The following ABI2 variants were observed in gnomAD, a reference collection of about 807,000 sequenced individuals.
The protein encoded by ABI2 is abelson interactor 2.
A neutral mutation model predicts 59.2 loss-of-function variants in ABI2; 25 were observed. The observed-to-expected ratio is 0.42, with a 90% CI of 0.31 to 0.59. The LOEUF is 0.59. ABI2 is among the 20% of genes least tolerant of loss of function. ABI2 has a pLI of 0.14. For synonymous variants in ABI2, 213 were observed against 235.5 expected, an observed-to-expected ratio of 0.90 and a Z score of 0.87; for missense variants, 545 against 681.8, an observed-to-expected ratio of 0.80 and a Z score of 2.23.
Position 203,416,978 on chromosome 2 carries a change from T to C in ABI2, c.1350T>C (p.Pro450=), listed in dbSNP as rs377273409. ...PVFDESPPPP[P]PPEDYEEEEA... is the part of the protein sequence containing the mutation. The stretch of plus-strand genomic sequence containing the variant: ...TTGATGAGTCTCCCCCACCTCCTCC[T>C]CCTCCAGAAGATTACGAAGAGGAGG... The change falls in exon 11 of 12, where the codon CCT becomes CCC. Residue 450 remains proline (P), a synonymous_variant. Coordinates refer to ENST00000261018, the MANE Select transcript of ABI2 (RefSeq NM_001375670.1). The C allele has an allele frequency of 8.7e-6, 14 of 1,613,934 alleles. No individual in the cohort carries two copies. In the African/African-American group the frequency reaches 1.5e-4, roughly 17 times the overall value.
At chr2:203,343,587 C>A (rs1200882827) in intron 1 of ABI2, among the ~76,000 whole-genome samples, 1 of 152,008 alleles carries the variant, frequency 6.6e-6, no homozygotes, top group African/African-American at 2.4e-5. Flanking sequence ...CTTGGGCCTC[C>A]CAAAGTGTTG....
In ABI2 at chr2:203,384,299, T is replaced by TTG. The variant is rs1559289268; in HGVS notation, c.480+2094_480+2095insGT. ...TCTTGTTTTTGTTTTTGTTTTTTTTTTTTTTTTTTTTTTTTTTTTTTTTTT... is the reference window on the plus strand; with the variant it reads ...TCTTGTTTTTGTTTTTGTTTTTTTTTTGTTTTTTTTTTTTTTTTTTTTTTTTT... On this transcript the variant is annotated intron_variant, in intron 4 of 11. Coordinates refer to ENST00000261018, the MANE Select transcript of ABI2 (RefSeq NM_001375670.1). 3.2e-5 allele frequency among the ~76,000 whole-genome samples: 4 copies of TTG among 126,698 alleles called. No individual in the cohort carries two copies. The East Asian group carries it at 6.9e-4, about 22-fold the overall frequency. 83.1% of individuals were successfully genotyped at this position (126,698 alleles called of 152,430 possible). A position where few individuals can be genotyped will look rare whatever the true frequency, so the allele number is the denominator to read the frequency against.
intron 5 of ABI2, 22 bp from the exon 6 acceptor site, chr2:203,394,678 A>G: frequency 6.2e-7 from 1 of 1,612,362 alleles, no homozygotes; most frequent in Non-Finnish European, 8.5e-7. Context: ...ATCATACAAT[A>G]CATACGCTCT....
chr2:203,386,321 C>T (rs2096507843), intron 4 of ABI2, among the ~76,000 whole-genome samples: 1 of 151,150 alleles, frequency 6.6e-6, no homozygotes, highest in East Asian at 2.0e-4. Context: ...GGGTCTTGCT[C>T]TGTTGCTCAG....
In ABI2 at chr2:203,429,007, C is replaced by G. The variant is rs1172799206; in HGVS notation, c.*1655C>G. 6.6e-6 allele frequency: 1 copy of G among 152,208 alleles called. No individual in the cohort carries two copies. The highest frequency in any genetic ancestry group is 1.9e-4 in the East Asian group (1 of 5,202). The allele number at this position is 152,208 out of a possible 1,614,324, so 9.4% of individuals were successfully genotyped here. A position where few individuals can be genotyped will look rare whatever the true frequency, so the allele number is the denominator to read the frequency against. Reference sequence around the variant, plus strand: ...GGTGTCGGATGCAGAAGTTAATATTCCACTTAATGTTATCTGAGCATTAAA... The same window carrying G: ...GGTGTCGGATGCAGAAGTTAATATTGCACTTAATGTTATCTGAGCATTAAA... On this transcript the variant is annotated 3_prime_UTR_variant, in exon 12 of 12. Coordinates refer to ENST00000261018, the MANE Select transcript of ABI2 (RefSeq NM_001375670.1).
chr2:203,414,596 T>C (rs944156341), intron 10 of ABI2, among the ~76,000 whole-genome samples: 1 of 152,230 alleles, frequency 6.6e-6, no homozygotes, highest in Non-Finnish European at 1.5e-5. Flanking sequence ...AAATGAAGAT[T>C]TGGTCGTTCA....
chr2:203,337,846 C>T (rs930165121), intron 1 of ABI2, among the ~76,000 whole-genome samples: 1 of 152,118 alleles, frequency 6.6e-6, no homozygotes, highest in Non-Finnish European at 1.5e-5. Context: ...GCCTGGCCAG[C>T]GTGGAGAAAC....
At chr2:203,388,346 C>T (rs971533663) in intron 4 of ABI2, among the ~76,000 whole-genome samples, 1 of 152,148 alleles carries the variant, frequency 6.6e-6, no homozygotes, top group Admixed American at 6.6e-5. Flanking sequence ...AATATACAGT[C>T]ATTTGATGAT....
chr2:203,362,723 C>CA (rs1435994075), intron 1 of ABI2, among the ~76,000 whole-genome samples: 33 of 152,104 alleles, frequency 2.2e-4, no homozygotes, highest in Admixed American at 8.5e-4. Flanking sequence ...GATGGGGTTT[C>CA]TCCATGTCGG....
intron 8 of ABI2, among the ~76,000 whole-genome samples, chr2:203,399,344 CTT>C (rs1365961839): frequency 6.6e-6 from 1 of 152,070 alleles, no homozygotes; most frequent in Non-Finnish European, 1.5e-5. Context: ...TGTATATCCT[CTT>C]TGGTGAAGTA....
chr2:203,397,143 G>C (rs2097032768), intron 8 of ABI2, among the ~76,000 whole-genome samples, 176 bp downstream of exon 8: 1 of 151,972 alleles, frequency 6.6e-6, no homozygotes, highest in Non-Finnish European at 1.5e-5. Context: ...AGAAAATTGA[G>C]GTAAAGTTTC....
chr2:203,388,005 C>T lies in ABI2; in HGVS notation c.481-3041C>T, dbSNP rs556792716. Among the ~76,000 whole-genome samples the T allele has an allele frequency of 7.2e-5, 11 of 151,770 alleles. No individual in the cohort carries two copies. The South Asian group carries it at 2.3e-3, about 32-fold the overall frequency. On this transcript the variant is annotated intron_variant, in intron 4 of 11. Transcript: ENST00000261018. ...TCTAGTAAATATATTTTTATATTTA[C>T]CAGATTATTTTAGTTCTGAAATATA...
intron 8 of ABI2, among the ~76,000 whole-genome samples, chr2:203,397,430 T>G (rs564008259): frequency 5.9e-5 from 9 of 152,350 alleles, no homozygotes; most frequent in African/African-American, 2.2e-4. Context: ...CATTGGAAAC[T>G]CATAGACAAT....
At chr2:203,393,856 A>G (rs2096867990) in intron 5 of ABI2, among the ~76,000 whole-genome samples, 1 of 151,618 alleles carries the variant, frequency 6.6e-6, no homozygotes, top group African/African-American at 2.4e-5. Context: ...AGTAGAAATG[A>G]GAACTAATTT....
chr2:203,384,776 T>C (rs1359269473), intron 4 of ABI2, among the ~76,000 whole-genome samples: 1 of 152,134 alleles, frequency 6.6e-6, no homozygotes, highest in African/African-American at 2.4e-5. Flanking sequence ...AATAAAAACT[T>C]CTGACTTTTA....
chr2:203,379,258 T>C (rs961535891), intron 2 of ABI2, among the ~76,000 whole-genome samples: 1 of 152,242 alleles, frequency 6.6e-6, no homozygotes, highest in Non-Finnish European at 1.5e-5. Context: ...ATGGCTTTTT[T>C]GTTTTTTGAC....
intron 11 of ABI2, among the ~76,000 whole-genome samples, chr2:203,425,186 C>T (rs1246401037): frequency 6.6e-6 from 1 of 151,990 alleles, no homozygotes; most frequent in Non-Finnish European, 1.5e-5. Flanking sequence ...TTCATATTCT[C>T]TTCTGAATTA....
chr2:203,409,511 A>T (rs1003898512), intron 9 of ABI2, among the ~76,000 whole-genome samples: 1 of 152,292 alleles, frequency 6.6e-6, no homozygotes, highest in East Asian at 1.9e-4. Context: ...TTTCTTTCCC[A>T]GTACTACCTA....
chr2:203,371,121 C>A (rs982841704), intron 2 of ABI2, among the ~76,000 whole-genome samples: 1 of 152,096 alleles, frequency 6.6e-6, no homozygotes, highest in Non-Finnish European at 1.5e-5. Context: ...AAATGTTTTC[C>A]ATCTTGAATT....
Sources: allele counts gnomAD v4.1 joint callset (sites outside exome capture counted in the v4.1 genomes callset), GRCh38; gene constraint gnomAD v4.1.1; transcripts MANE v1.5; gene names NCBI Gene and HGNC (gene_info 2026-07-23, HGNC 2026-07-21).